Variants in ELMOD1 observed in about 807,000 individuals in gnomAD.
ELMOD1 encodes ELMO domain containing 1.
A neutral mutation model predicts 46.7 loss-of-function variants in ELMOD1; 21 were observed. The observed-to-expected ratio is 0.45, with a 90% confidence interval of 0.32 to 0.65. The LOEUF is 0.65. Ranked by LOEUF, ELMOD1 falls within the 30% of genes least tolerant of loss-of-function variation. The pLI is 0.04. For missense variants in ELMOD1, 348 were observed against 407.8 expected, an observed-to-expected ratio of 0.85 and a Z score of 1.26; for synonymous variants, 122 against 138.2, an observed-to-expected ratio of 0.88 and a Z score of 0.82.
intron 6 of ELMOD1, chr11:107,643,518 A>C (rs1055153684): frequency 2.2e-6 from 1 of 452,868 alleles, no homozygotes; most frequent in African/African-American, 2.0e-5. Flanking sequence ...GTCTGTGTCT[A>C]GTATAGTCTG....
At chr11:107,602,723 TC>T (rs943114294) in intron 1 of ELMOD1, among the ~76,000 whole-genome samples, 3 of 131,362 alleles carry the variant, frequency 2.3e-5, no homozygotes, top group African/African-American at 7.8e-5. Flanking sequence ...TCTTTCAGAT[TC>T]CCTTTTTTTT....
chr11:107,635,619 G>C lies in ELMOD1; in HGVS notation c.291-17G>C, dbSNP rs749251046. On this transcript the variant is annotated splice_polypyrimidine_tract_variant and intron_variant, in intron 5 of 11. Coordinates refer to ENST00000265840, the MANE Select transcript of ELMOD1 (RefSeq NM_018712.4). ...CTGTTCTTCCTTGTGTGTCTCTTCT[G>C]TTTTTGAACACCCTAGGCTGGGAAT... 17 of 1,606,616 alleles carry C rather than the reference G, an allele frequency of 1.1e-5. No individual in the cohort carries two copies. The Admixed American group carries it at 2.9e-4, about 28-fold the overall frequency.
intron 4 of ELMOD1, among the ~76,000 whole-genome samples, 173 bp from the exon 5 acceptor site, chr11:107,631,407 C>CCCA (rs1555065964): frequency 7.4e-6 from 1 of 136,018 alleles, no homozygotes; most frequent in African/African-American, 2.8e-5. Context: ...ACCCCCCCCC[C>CCCA]CATCGTGAAA....
intron 7 of ELMOD1, among the ~76,000 whole-genome samples, chr11:107,649,743 A>G (rs1308963384): frequency 6.6e-6 from 1 of 152,134 alleles, no homozygotes; most frequent in Non-Finnish European, 1.5e-5. Flanking sequence ...TTGTTTTATC[A>G]TTGTCTCTAT....
chr11:107,647,491 T>C lies in ELMOD1; in HGVS notation c.444T>C (p.Asn148=). The C allele has an allele frequency of 1.2e-6, 2 of 1,613,194 alleles. No individual in the cohort carries two copies. The highest frequency in any genetic ancestry group is 1.7e-6 in the Non-Finnish European group (2 of 1,179,490). Residue 148 remains asparagine (N), a synonymous_variant, in exon 7 of 12, where the codon AAT becomes AAC. Transcript: ENST00000265840. The part of the protein sequence containing the change: ...LLKLWKFLKP[N]TPLESRISKQ... The stretch of plus-strand genomic sequence containing the variant: ...AGTTATGGAAATTCTTGAAGCCCAA[T>C]ACTCCACTGGAATCTCGGATTTCTA...
chr11:107,648,873 C>T (rs1866478248), intron 7 of ELMOD1, among the ~76,000 whole-genome samples: 1 of 150,962 alleles, frequency 6.6e-6, no homozygotes, highest in African/African-American at 2.4e-5. Context: ...TGCTTTAATT[C>T]AGTCATGTGT....
chr11:107,629,655 G>A (rs1326285541), intron 2 of ELMOD1, among the ~76,000 whole-genome samples: 1 of 152,212 alleles, frequency 6.6e-6, no homozygotes, highest in Non-Finnish European at 1.5e-5. Flanking sequence ...TTGCTGGAGT[G>A]AGGTAGGGTG....
chr11:107,623,710 C>G (rs765663609), intron 2 of ELMOD1: 1 of 152,098 alleles, frequency 6.6e-6, no homozygotes, highest in Non-Finnish European at 1.5e-5. Flanking sequence ...TGTTTTTCAA[C>G]TTTCTGTTTT....
At position 107,647,502 on chromosome 11, in the gene ELMOD1, A is replaced by G; in HGVS notation, c.455A>G (p.Glu152Gly). The stretch of plus-strand genomic sequence containing the variant: ...TTCTTGAAGCCCAATACTCCACTGG[A>G]ATCTCGGATTTCTAAGCAGTGGTGT... ...WKFLKPNTPLESRISKQWCEI... is the reference protein window; with the variant it reads ...WKFLKPNTPLGSRISKQWCEI... The change falls in exon 7 of 12, where the codon GAA (glutamate) becomes GGA (glycine). Residue 152 changes from glutamate to glycine, a missense_variant. Coordinates refer to ENST00000265840, the MANE Select transcript of ELMOD1 (RefSeq NM_018712.4). 6.2e-7 allele frequency: 1 copy of G among 1,613,408 alleles called. No individual in the cohort carries two copies. Among genetic ancestry groups the G allele is most frequent in the Non-Finnish European group, 8.5e-7 (1 of 1,179,700 alleles).
intron 6 of ELMOD1, chr11:107,644,000 C>T (rs79071906): frequency 1.8e-3 from 276 of 157,252 alleles, no homozygotes; most frequent in African/African-American, 6.1e-3. Context: ...AGGCCAGGCA[C>T]GGTGGGTCAT....
At chr11:107,650,721 G>A (rs947096554) in intron 8 of ELMOD1, among the ~76,000 whole-genome samples, 164 bp from the exon 9 acceptor site, 1 of 152,160 alleles carries the variant, frequency 6.6e-6, no homozygotes, top group African/African-American at 2.4e-5. Flanking sequence ...CAAGAAAGAT[G>A]ATGGGGGAAC....
intron 1 of ELMOD1, chr11:107,600,729 C>G (rs1218193863): frequency 6.5e-6 from 1 of 152,762 alleles, no homozygotes; most frequent in Non-Finnish European, 1.5e-5. Context: ...ATTTCCCACC[C>G]ATCTTCATCT....
intron 2 of ELMOD1, chr11:107,625,261 C>A: frequency 2.6e-6 from 1 of 388,664 alleles, no homozygotes; most frequent in Non-Finnish European, 3.5e-6. Context: ...CTGTCGGGGA[C>A]ATTGAGCCGC....
chr11:107,659,695 A>ATGGC, intron 11 of ELMOD1, among the ~76,000 whole-genome samples: 1 of 151,488 alleles, frequency 6.6e-6, no homozygotes, highest in African/African-American at 2.4e-5. Context: ...GGATGGATGG[A>ATGGC]TGGATGGATG....
intron 11 of ELMOD1, among the ~76,000 whole-genome samples, chr11:107,660,652 A>G (rs892277677): frequency 2.6e-5 from 4 of 152,194 alleles, no homozygotes; most frequent in African/African-American, 9.6e-5. Context: ...TGTACCTGTT[A>G]TTGTAGACCA....
chr11:107,615,116 C>T (rs1016444082), intron 1 of ELMOD1, among the ~76,000 whole-genome samples: 3 of 151,834 alleles, frequency 2.0e-5, no homozygotes, highest in Non-Finnish European at 2.9e-5. Flanking sequence ...ATGTCTAGAG[C>T]GTAGCAGGCA....
chr11:107,660,814 T>C (rs1231950538), intron 11 of ELMOD1, among the ~76,000 whole-genome samples: 1 of 152,248 alleles, frequency 6.6e-6, no homozygotes, highest in Non-Finnish European at 1.5e-5. Flanking sequence ...CATGCCACTT[T>C]GTTAGCTTCC....
chr11:107,613,235 A>G (rs1865808747), intron 1 of ELMOD1, among the ~76,000 whole-genome samples: 1 of 152,134 alleles, frequency 6.6e-6, no homozygotes, highest in African/African-American at 2.4e-5. Context: ...AATAAATACT[A>G]CTCACTGAAT....
At chr11:107,591,563 G>A (rs1050958983) in intron 1 of ELMOD1, among the ~76,000 whole-genome samples, 154 bp downstream of exon 1, 1 of 152,228 alleles carries the variant, frequency 6.6e-6, no homozygotes, top group South Asian at 2.1e-4. Flanking sequence ...GAACGGGAAT[G>A]AAAGTGCACT....
Sources: allele counts gnomAD v4.1 joint callset (sites outside exome capture counted in the v4.1 genomes callset), GRCh38; gene constraint gnomAD v4.1.1; transcripts MANE v1.5; gene names NCBI Gene and HGNC (gene_info 2026-07-23, HGNC 2026-07-21).